Variants in GPC6 observed in about 807,000 individuals in gnomAD.
GPC6 encodes glypican-6.
In GPC6, 14 loss-of-function variants were observed where a neutral mutation model predicts 55.2. The ratio of observed to expected loss-of-function variants is 0.25; its 90% CI spans 0.17 to 0.40. GPC6 has a LOEUF of 0.40. Among genes scored for constraint, GPC6 ranks in the 10% least tolerant of loss-of-function variants. The pLI is 1.00. For synonymous variants in GPC6, 278 were observed against 259.6 expected (o/e 1.07, Z -0.68); for missense variants, 641 against 708.5 (o/e 0.90, Z 1.08).
At chr13:94,295,646 G>A (rs1041194969) in intron 5 of GPC6, among the ~76,000 whole-genome samples, 1 of 152,038 alleles carries the variant, frequency 6.6e-6, no homozygotes, top group Non-Finnish European at 1.5e-5. Context: ...TGTGCCTGTT[G>A]GCTACATCAA....
intron 8 of GPC6, among the ~76,000 whole-genome samples, chr13:94,401,399 G>T (rs1881121983): frequency 6.6e-6 from 1 of 152,174 alleles, no homozygotes; most frequent in Admixed American, 6.5e-5. Context: ...ATCTGGGCCA[G>T]GTTTGAGTGA....
chr13:94,185,153 G>A (rs1328361056), intron 4 of GPC6, among the ~76,000 whole-genome samples: 1 of 151,694 alleles, frequency 6.6e-6, no homozygotes, highest in Non-Finnish European at 1.5e-5. Flanking sequence ...TGGGGAAGGA[G>A]GAAAGGGGAT....
chr13:93,909,391 TAAA>T (rs1876844136), intron 3 of GPC6, among the ~76,000 whole-genome samples: 1 of 151,604 alleles, frequency 6.6e-6, no homozygotes, highest in Non-Finnish European at 1.5e-5. Flanking sequence ...AAGAAAAACA[TAAA>T]GAAGAACAAA....
intron 1 of GPC6, among the ~76,000 whole-genome samples, chr13:93,492,459 G>T (rs9561370): frequency 0.3 from 44,415 of 149,878 alleles, 7,119 homozygotes; most frequent in East Asian, 0.65. Context: ...CAATCATGTC[G>T]TCTGCAAACA....
At chr13:94,360,926 TCA>T (rs1879031695) in intron 6 of GPC6, among the ~76,000 whole-genome samples, 1 of 152,218 alleles carries the variant, frequency 6.6e-6, no homozygotes, top group Non-Finnish European at 1.5e-5. Context: ...CTTCACTGCC[TCA>T]GTGTGTTCAC....
chr13:94,323,015 C>G (rs894125796), intron 6 of GPC6, among the ~76,000 whole-genome samples: 1 of 151,956 alleles, frequency 6.6e-6, no homozygotes, highest in African/African-American at 2.4e-5. Context: ...AGACAGGGAG[C>G]AAGTGAAGGT....
chr13:93,835,339 C>T (rs115607790), intron 3 of GPC6, among the ~76,000 whole-genome samples: 5,147 of 152,148 alleles, frequency 0.034, 282 homozygotes, highest in African/African-American at 0.11. Context: ...CCTGTAGTTC[C>T]AGCTATTTGA....
chr13:93,655,805 G>C (rs1487820727), intron 2 of GPC6, among the ~76,000 whole-genome samples: 1 of 152,102 alleles, frequency 6.6e-6, no homozygotes, highest in Non-Finnish European at 1.5e-5. Flanking sequence ...TAGGGAACTT[G>C]GCTTTCCTAA....
chr13:93,319,245 G>C (rs1879346550), intron 1 of GPC6, among the ~76,000 whole-genome samples: 1 of 152,100 alleles, frequency 6.6e-6, no homozygotes, highest in African/African-American at 2.4e-5. Context: ...CAGCCCTCGT[G>C]CATAGTGTTC....
intron 3 of GPC6, among the ~76,000 whole-genome samples, chr13:94,019,281 A>C (rs1459759050): frequency 6.6e-6 from 1 of 152,058 alleles, no homozygotes; most frequent in Non-Finnish European, 1.5e-5. Flanking sequence ...TTCATGATTC[A>C]GTCTTGGTAG....
At chr13:94,151,848 G>A (rs1369528921) in intron 4 of GPC6, among the ~76,000 whole-genome samples, 1 of 152,136 alleles carries the variant, frequency 6.6e-6, no homozygotes, top group Non-Finnish European at 1.5e-5. Context: ...TTAGTGCAGA[G>A]TAAGTAACAT....
intron 3 of GPC6, among the ~76,000 whole-genome samples, chr13:93,845,225 T>A (rs553849289): frequency 1.3e-5 from 2 of 151,800 alleles, no homozygotes; most frequent in South Asian, 4.2e-4. Context: ...AAAAAACACA[T>A]GAAAAAATGC....
At chr13:94,240,303 C>A (rs887200677) in intron 4 of GPC6, among the ~76,000 whole-genome samples, 1 of 152,064 alleles carries the variant, frequency 6.6e-6, no homozygotes, top group African/African-American at 2.4e-5. Context: ...AATGCTGCCT[C>A]CTCAGAATCA....
At chr13:93,913,528 CATCTTT>C (rs1877120942) in intron 3 of GPC6, among the ~76,000 whole-genome samples, 1 of 151,872 alleles carries the variant, frequency 6.6e-6, no homozygotes, top group African/African-American at 2.4e-5. Flanking sequence ...TTTGGAAATC[CATCTTT>C]AAATTTAGCC....
intron 6 of GPC6, among the ~76,000 whole-genome samples, chr13:94,309,930 G>C (rs1018034717): frequency 1.3e-5 from 2 of 152,148 alleles, no homozygotes; most frequent in East Asian, 1.9e-4. Context: ...GAAGAGACTG[G>C]TTATGTTCCT....
At chr13:94,270,850 A>G (rs2139062489) in intron 4 of GPC6, among the ~76,000 whole-genome samples, 1 of 152,216 alleles carries the variant, frequency 6.6e-6, no homozygotes. Flanking sequence ...GAGAAGTGGC[A>G]GAAAGAGAAA....
At chr13:94,092,143 T>C (rs1441735871) in intron 4 of GPC6, among the ~76,000 whole-genome samples, 1 of 138,274 alleles carries the variant, frequency 7.2e-6, no homozygotes, top group Non-Finnish European at 1.6e-5. Flanking sequence ...GGGGGCGGGA[T>C]TGGTGAGAAC....
chr13:94,107,329 A>G (rs538947268), intron 4 of GPC6, among the ~76,000 whole-genome samples: 1 of 152,322 alleles, frequency 6.6e-6, no homozygotes, highest in Non-Finnish European at 1.5e-5. Flanking sequence ...CTCTGTTTTT[A>G]AAGTTAGGAA....
intron 6 of GPC6, among the ~76,000 whole-genome samples, chr13:94,316,445 C>G (rs1352169924): frequency 6.6e-6 from 1 of 152,230 alleles, no homozygotes; most frequent in South Asian, 2.1e-4. Flanking sequence ...GGGCCGGGCG[C>G]GGTGGCTCAC....
Sources: gnomAD v4.1 joint callset for allele counts (sites outside exome capture counted in the v4.1 genomes callset) on GRCh38, gnomAD v4.1.1 for gene constraint, MANE v1.5 for transcripts, NCBI Gene and HGNC (gene_info 2026-07-23, HGNC 2026-07-21) for gene names.